ROS1: variants seen among roughly 807,000 people sequenced by gnomAD.
ROS1 encodes ROS proto-oncogene 1, receptor tyrosine kinase, also known as proto-oncogene tyrosine-protein kinase ROS.
Under a neutral mutation model 273.5 loss-of-function variants are expected in ROS1, and 263 were observed. The observed-to-expected ratio is 0.96, with a 90% CI of 0.87 to 1.06. The LOEUF (loss-of-function observed/expected upper bound fraction) is 1.06. Ranked by LOEUF, ROS1 falls within the 50% of genes least tolerant of loss-of-function variation. The pLI is 0.00. For synonymous variants in ROS1, 1,008 were observed against 954.1 expected (o/e 1.06, Z -1.04); for missense variants, 2,833 against 2,751.1 (o/e 1.03, Z -0.67).
At chr6:117,376,858 T>C (rs771135484) in intron 18 of ROS1, among the ~76,000 whole-genome samples, 1 of 152,184 alleles carries the variant, frequency 6.6e-6, no homozygotes, top group Non-Finnish European at 1.5e-5. Context: ...AGATTCAAAA[T>C]TCCAGCAGGA....
At position 117,288,545 on chromosome 6, in the gene ROS1, C is replaced by A. The variant is rs2128520609; in HGVS notation, c.6973G>T (p.Gly2325Cys). The A allele has an allele frequency of 6.2e-7, 1 of 1,614,160 alleles. No homozygotes were observed. The highest frequency in any genetic ancestry group is 8.5e-7 in the Non-Finnish European group (1 of 1,180,028). ...TGAGTGAGACAGGCATAGTTCAGGC[C>A]TTCAGGCTTGCCAGAAGGGCAGTAA... The part of the protein sequence containing the change: ...VAYCPSGKPE[G>C]LNYACLTHSG... Residue 2325 changes from glycine (G) to cysteine (C), a missense_variant, in exon 44 of 44, where the codon GGC becomes TGC. Coordinates refer to ENST00000368507, the MANE Select transcript of ROS1 (RefSeq NM_001378902.1).
intron 27 of ROS1, among the ~76,000 whole-genome samples, chr6:117,350,059 C>G (rs1158641808): frequency 6.6e-6 from 1 of 151,960 alleles, no homozygotes; most frequent in African/African-American, 2.4e-5. Context: ...TTTTACTTTA[C>G]TTTCACTTAT....
chr6:117,386,395 G>C (rs62430838), intron 15 of ROS1, among the ~76,000 whole-genome samples: 7 of 152,234 alleles, frequency 4.6e-5, no homozygotes, highest in Non-Finnish European at 1.0e-4. Context: ...CAAGATCACT[G>C]TTATAACACC....
intron 18 of ROS1, among the ~76,000 whole-genome samples, chr6:117,375,210 C>T (rs183433754): frequency 4.7e-4 from 72 of 152,292 alleles, no homozygotes; most frequent in African/African-American, 1.7e-3. Context: ...CCAAAAAGTA[C>T]ATTCTCACTC....
In ROS1 at chr6:117,425,711, A is replaced by T. The variant is rs1473265015; in HGVS notation, c.-55T>A. ...CCGGTCTAATTTTCTCCATTTTGCT[A>T]TATGAATTATTTGGGCTTCATCACT... On this transcript the variant is annotated 5_prime_UTR_variant, in exon 1 of 44. Transcript: ENST00000368507. 5 of 1,593,798 alleles carry T rather than the reference A, an allele frequency of 3.1e-6. No individual in the cohort carries two copies. The highest frequency in any genetic ancestry group is 4.3e-6 in the Non-Finnish European group (5 of 1,168,874).
intron 21 of ROS1, among the ~76,000 whole-genome samples, chr6:117,364,473 GATA>G (rs1490105099): frequency 1.3e-5 from 2 of 152,068 alleles, no homozygotes; most frequent in African/African-American, 2.4e-5. Context: ...GCATAATCAA[GATA>G]ATAAGACTTT....
At chr6:117,404,479 AAG>A in intron 5 of ROS1, 51 bp from the exon 6 acceptor site, 2 of 1,567,670 alleles carry the variant, frequency 1.3e-6, no homozygotes, top group Non-Finnish European at 1.7e-6. Context: ...CCATCAGCGC[AAG>A]AGAGTGTGTG....
At chr6:117,342,133 C>A (rs970814943) in intron 29 of ROS1, among the ~76,000 whole-genome samples, 2 of 152,022 alleles carry the variant, frequency 1.3e-5, no homozygotes, top group Non-Finnish European at 2.9e-5. Context: ...GTGGTGAGAC[C>A]AAATAATGTG....
chr6:117,358,621 A>G (rs1216416066), intron 24 of ROS1, among the ~76,000 whole-genome samples: 1 of 151,940 alleles, frequency 6.6e-6, no homozygotes, highest in Admixed American at 6.6e-5. Context: ...CACCACGTCC[A>G]GCTAATTTTT....
At chr6:117,358,939 C>A (rs142115970) in intron 24 of ROS1, among the ~76,000 whole-genome samples, 69 of 152,280 alleles carry the variant, frequency 4.5e-4, no homozygotes, top group Non-Finnish European at 8.2e-4. Context: ...TTCTAAAACA[C>A]AACTTGACCA....
intron 27 of ROS1, among the ~76,000 whole-genome samples, chr6:117,352,108 T>C (rs1044404085): frequency 3.9e-5 from 6 of 152,192 alleles, no homozygotes; most frequent in African/African-American, 1.4e-4. Context: ...TTCAGACGAG[T>C]CTCGCTCAGT....
At chr6:117,325,475 C>A (rs556504205) in intron 34 of ROS1, among the ~76,000 whole-genome samples, 70 of 152,234 alleles carry the variant, frequency 4.6e-4, no homozygotes, top group African/African-American at 1.7e-3. Flanking sequence ...TTACAGAAGA[C>A]CTCACATGCC....
At chr6:117,412,607 GATA>G (rs1775006438) in intron 4 of ROS1, among the ~76,000 whole-genome samples, 2 of 33,828 alleles carry the variant, frequency 5.9e-5, no homozygotes, top group East Asian at 7.7e-4. Flanking sequence ...TAGATAGACA[GATA>G]GATAGATAGA....
chr6:117,395,727 G>C (rs1253528327), intron 9 of ROS1, among the ~76,000 whole-genome samples: 1 of 152,076 alleles, frequency 6.6e-6, no homozygotes, highest in Non-Finnish European at 1.5e-5. Context: ...TACTTTGGCA[G>C]ACTGAATACT....
chr6:117,361,356 T>C (rs1035433510), intron 22 of ROS1, among the ~76,000 whole-genome samples: 17 of 151,602 alleles, frequency 1.1e-4, no homozygotes, highest in East Asian at 9.7e-4. Flanking sequence ...ATTTTTATTA[T>C]ACTTTTAGTA....
At chr6:117,288,825 A>G (rs942722810) in intron 43 of ROS1, 23 bp from the exon 44 acceptor site, 8 of 1,539,980 alleles carry the variant, frequency 5.2e-6, no homozygotes, top group Admixed American at 4.1e-5. Flanking sequence ...TATGAATGTT[A>G]TTCTAGCATG....
chr6:117,290,757 C>A (rs1773778236), intron 43 of ROS1, among the ~76,000 whole-genome samples: 1 of 152,142 alleles, frequency 6.6e-6, no homozygotes, highest in Admixed American at 6.5e-5. Context: ...TATCCCCTTT[C>A]CACCCCATTA....
In ROS1 at chr6:117,396,194, A is replaced by G; in HGVS notation, c.877T>C (p.Ser293Pro). The change falls in exon 9 of 44, where the codon TCA (serine) becomes CCA (proline). Residue 293 changes from serine to proline, a missense_variant. Ser to Pro is a moderately conservative substitution (Grantham distance 74). Transcript: ENST00000368507. ...EAESSITTSS[S>P]AVQQEEQWLF... is the part of the protein sequence containing the mutation. ...GAAGAAGCCTGACCCATACCTGCTG[A>G]AGATGAAGTGGTAATACTAGATTCT... 6.2e-7 allele frequency: 1 copy of G among 1,613,098 alleles called. No homozygotes were observed. The highest frequency in any genetic ancestry group is 8.5e-7 in the Non-Finnish European group (1 of 1,179,108).
intron 43 of ROS1, among the ~76,000 whole-genome samples, chr6:117,293,576 T>C (rs993615503): frequency 3.3e-4 from 50 of 152,146 alleles, no homozygotes; most frequent in African/African-American, 1.2e-3. Flanking sequence ...ATATTTTTTA[T>C]AATAAACATA....
Sources: gnomAD v4.1 joint callset for allele counts (sites outside exome capture counted in the v4.1 genomes callset) on GRCh38, gnomAD v4.1.1 for gene constraint, MANE v1.5 for transcripts, NCBI Gene and HGNC (gene_info 2026-07-23, HGNC 2026-07-21) for gene names.